The following PLXNC1 variants were observed in gnomAD, a reference collection of about 807,000 sequenced individuals.
The protein encoded by PLXNC1 is plexin-C1.
A neutral mutation model predicts 178.2 loss-of-function variants in PLXNC1; 75 were observed. The observed-to-expected ratio is 0.42, with a 90% confidence interval of 0.35 to 0.51. The LOEUF (loss-of-function observed/expected upper bound fraction) is 0.51, where lower values mean the gene tolerates loss of function less well. PLXNC1 is among the 20% of genes least tolerant of loss of function. The pLI, the probability that PLXNC1 is intolerant of heterozygous loss-of-function variation, is 0.02. For missense variants in PLXNC1, 1,503 were observed against 1,984.4 expected (o/e 0.76, Z 4.61); for synonymous variants, 790 against 779.9 (o/e 1.01, Z -0.22).
intron 17 of PLXNC1, among the ~76,000 whole-genome samples, chr12:94,258,695 C>T (rs1235377718): frequency 6.6e-6 from 1 of 152,210 alleles, no homozygotes; most frequent in Non-Finnish European, 1.5e-5. Flanking sequence ...ACACAGGGCA[C>T]TTACTCTGCA....
chr12:94,241,155 TAAG>T, intron 11 of PLXNC1, among the ~76,000 whole-genome samples: 1 of 152,334 alleles, frequency 6.6e-6, no homozygotes, highest in South Asian at 2.1e-4. Flanking sequence ...TCCAATATGT[TAAG>T]AAAAACATTT....
At chr12:94,174,294 C>A (rs534859640) in intron 2 of PLXNC1, among the ~76,000 whole-genome samples, 1 of 152,108 alleles carries the variant, frequency 6.6e-6, no homozygotes, top group Non-Finnish European at 1.5e-5. Flanking sequence ...AAGCGATCCT[C>A]CCACCTCAGC....
intron 15 of PLXNC1, 78 bp from the exon 16 acceptor site, chr12:94,254,709 C>T: frequency 2.1e-6 from 2 of 964,302 alleles, no homozygotes; most frequent in Non-Finnish European, 3.2e-6. Context: ...TTTTTAAGAA[C>T]TGTAAAGATT....
chr12:94,171,768 G>A (rs905683498), intron 2 of PLXNC1, among the ~76,000 whole-genome samples: 33 of 152,224 alleles, frequency 2.2e-4, no homozygotes, highest in Admixed American at 2.6e-4. Context: ...AGAATAAGGC[G>A]GACCATCTGA....
chr12:94,254,891 A>G lies in PLXNC1; in HGVS notation c.2983+3A>G. 1.9e-6 allele frequency: 3 copies of G among 1,603,946 alleles called. No individual in the cohort carries two copies. The highest frequency in any genetic ancestry group is 2.6e-6 in the Non-Finnish European group (3 of 1,173,788). The stretch of plus-strand genomic sequence containing the variant: ...GCTCCGGAAAGAGATACGTGACGGT[A>G]GGCTCCAAAATTGTGTTTGTAGAAA... On this transcript the variant is annotated splice_donor_region_variant and intron_variant, in intron 16 of 30. Coordinates refer to ENST00000258526, the MANE Select transcript of PLXNC1 (RefSeq NM_005761.3).
chr12:94,261,516 A>G (rs1964987059), intron 20 of PLXNC1, among the ~76,000 whole-genome samples: 1 of 152,348 alleles, frequency 6.6e-6, no homozygotes, highest in African/African-American at 2.4e-5. Flanking sequence ...CAGATGAGAA[A>G]ACATAGGCAA....
At chr12:94,297,630 G>A (rs1968063914) in intron 26 of PLXNC1, among the ~76,000 whole-genome samples, 1 of 152,128 alleles carries the variant, frequency 6.6e-6, no homozygotes, top group African/African-American at 2.4e-5. Flanking sequence ...GATTTGTACT[G>A]TAGTATCTTC....
At chr12:94,167,101 G>T (rs567304923) in intron 1 of PLXNC1, among the ~76,000 whole-genome samples, 2 of 152,128 alleles carry the variant, frequency 1.3e-5, no homozygotes, top group Non-Finnish European at 2.9e-5. Context: ...GAAGGACACC[G>T]GGAAAGGTGA....
At chr12:94,170,755 G>A (rs1961813111) in intron 2 of PLXNC1, among the ~76,000 whole-genome samples, 1 of 152,186 alleles carries the variant, frequency 6.6e-6, no homozygotes, top group African/African-American at 2.4e-5. Context: ...TTCTTTGGAG[G>A]AAACCCAGTA....
In PLXNC1 at chr12:94,226,627, G is replaced by A; in HGVS notation, c.1813G>A (p.Gly605Ser). The A allele has an allele frequency of 1.2e-6, 2 of 1,613,472 alleles. No individual in the cohort carries two copies. Among genetic ancestry groups the A allele is most frequent in the African/African-American group, 1.3e-5 (1 of 74,982 alleles). The change falls in exon 8 of 31, where the codon GGC becomes AGC. Residue 605 changes from glycine to serine, a missense_variant. Physicochemically the swap from Gly to Ser is moderately conservative, Grantham distance 56. Coordinates refer to ENST00000258526, the MANE Select transcript of PLXNC1 (RefSeq NM_005761.3). ...LKECPACVET[G>S]CAWCKSARRC... ...TAGATGCCCAGCATGCGTAGAAACT[G>A]GCTGCGCGTGGTGTAAAAGTGCAAG...
intron 5 of PLXNC1, among the ~76,000 whole-genome samples, chr12:94,213,591 G>A (rs55642826): frequency 0.2 from 30,130 of 151,814 alleles, 3,136 homozygotes; most frequent in Middle Eastern, 0.26. Context: ...ATTTTCTCCC[G>A]TTCTGTAGGT....
chr12:94,169,088 TATA>T, intron 1 of PLXNC1, 62 bp from the exon 2 acceptor site: 1 of 1,409,560 alleles, frequency 7.1e-7, no homozygotes, highest in Non-Finnish European at 9.8e-7. Flanking sequence ...ATTTCATCAG[TATA>T]ATGAGAACTA....
At chr12:94,218,605 C>A (rs556823369) in intron 5 of PLXNC1, among the ~76,000 whole-genome samples, 4 of 152,150 alleles carry the variant, frequency 2.6e-5, no homozygotes, top group Non-Finnish European at 5.9e-5. Flanking sequence ...CCCTTCTGAA[C>A]AGGACACCTG....
intron 4 of PLXNC1, among the ~76,000 whole-genome samples, chr12:94,201,261 G>A (rs565143536): frequency 1.2e-4 from 19 of 152,362 alleles, no homozygotes; most frequent in African/African-American, 4.6e-4. Context: ...GCCTCGAATT[G>A]TGTCTGCCTC....
intron 4 of PLXNC1, among the ~76,000 whole-genome samples, chr12:94,204,806 C>G (rs80355998): frequency 0.023 from 3,462 of 152,302 alleles, 41 homozygotes; most frequent in Non-Finnish European, 0.03. Context: ...GCAAAGCCCT[C>G]CCCCAGCATG....
At position 94,209,442 on chromosome 12, in the gene PLXNC1, T is replaced by G. The variant is rs538254338; in HGVS notation, c.1440-148T>G. Reference sequence around the variant, plus strand: ...TCATGGTTTTAGCATCATGTTCCTATTCTCGCTCAAATCAATAATCCACTG... The same window carrying G: ...TCATGGTTTTAGCATCATGTTCCTAGTCTCGCTCAAATCAATAATCCACTG... On this transcript the variant is annotated intron_variant, in intron 4 of 30. Transcript: ENST00000258526. 1.5e-3 allele frequency: 919 copies of G among 617,734 alleles called. 3 individuals carry two copies. Among genetic ancestry groups the G allele is most frequent in the Admixed American group, 3.0e-3 (114 of 38,048 alleles). 38.3% of individuals were successfully genotyped at this position (617,734 alleles called of 1,614,324 possible).
At chr12:94,231,959 T>C (rs1964115655) in intron 9 of PLXNC1, among the ~76,000 whole-genome samples, 1 of 152,250 alleles carries the variant, frequency 6.6e-6, no homozygotes, top group Admixed American at 6.5e-5. Context: ...GTCATTCTAA[T>C]ATTTGTTATT....
At chr12:94,182,203 G>A (rs1028623124) in intron 3 of PLXNC1, among the ~76,000 whole-genome samples, 5 of 152,106 alleles carry the variant, frequency 3.3e-5, no homozygotes, top group African/African-American at 7.2e-5. Context: ...TCTCTGTCTA[G>A]GTGCATAGAA....
chr12:94,229,614 T>C (rs1364434425), intron 9 of PLXNC1, among the ~76,000 whole-genome samples: 1 of 152,230 alleles, frequency 6.6e-6, no homozygotes, highest in Non-Finnish European at 1.5e-5. Flanking sequence ...CTTTTGCATG[T>C]GGATATCCAG....
Sources: allele counts gnomAD v4.1 joint callset (sites outside exome capture counted in the v4.1 genomes callset), GRCh38; gene constraint gnomAD v4.1.1; transcripts MANE v1.5; gene names NCBI Gene and HGNC (gene_info 2026-07-23, HGNC 2026-07-21).